CDH23: variants seen among roughly 807,000 people sequenced by gnomAD.
CDH23 encodes cadherin related 23, also known as cadherin-23.
A neutral mutation model predicts 317.1 loss-of-function variants in CDH23; 189 were observed. That is an observed-to-expected ratio of 0.60 (90% confidence interval 0.53 to 0.67). CDH23 has a LOEUF of 0.67. Among genes scored for constraint, CDH23 ranks in the 30% least tolerant of loss-of-function variants. The probability of loss-of-function intolerance (pLI) is 0.00; values close to 1 mark genes in which losing one functional copy is unlikely to be tolerated. For synonymous variants in CDH23, 1,839 were observed against 1,876.8 expected (o/e 0.98, Z 0.52); for missense variants, 4,401 against 4,592.4 (o/e 0.96, Z 1.20).
At chr10:71,715,779 G>A (rs903234624) in intron 28 of CDH23, 2 of 609,256 alleles carry the variant, frequency 3.3e-6, no homozygotes. Flanking sequence ...TTTGGGAAAG[G>A]GCGCTGGCCT....
At chr10:71,569,293 T>C (rs1026961244) in intron 7 of CDH23, among the ~76,000 whole-genome samples, 1 of 151,842 alleles carries the variant, frequency 6.6e-6, no homozygotes, top group African/African-American at 2.4e-5. Flanking sequence ...CAGCCCTCCC[T>C]TCTCCTAGGC....
chr10:71,492,257 C>A (rs1187704808), intron 3 of CDH23, among the ~76,000 whole-genome samples: 1 of 152,184 alleles, frequency 6.6e-6, no homozygotes, highest in Non-Finnish European at 1.5e-5. Context: ...TGCCTCCTGC[C>A]CACCCACATT....
intron 3 of CDH23, among the ~76,000 whole-genome samples, chr10:71,457,476 G>A (rs997534187): frequency 2.6e-5 from 4 of 151,606 alleles, no homozygotes; most frequent in Non-Finnish European, 2.9e-5. Context: ...CACTCTTACC[G>A]CCCTGCAATG....
In CDH23 at chr10:71,712,819, T is replaced by A; in HGVS notation, c.3369+6T>A. 1 of 1,609,534 alleles carries A rather than the reference T, an allele frequency of 6.2e-7. No homozygotes were observed. Among genetic ancestry groups the A allele is most frequent in the Admixed American group, 1.7e-5 (1 of 59,422 alleles). On this transcript the variant is annotated splice_donor_region_variant and intron_variant, in intron 28 of 69. Coordinates refer to ENST00000224721, the MANE Select transcript of CDH23 (RefSeq NM_022124.6). ...AAGGCCACAGCATCTTGCAGGCAGG[T>A]GGCCCGTGGCCTCTGGGGCAGGTGG...
At chr10:71,809,142 T>C (rs1050109022) in intron 60 of CDH23, among the ~76,000 whole-genome samples, 1 of 151,090 alleles carries the variant, frequency 6.6e-6, no homozygotes, top group Non-Finnish European at 1.5e-5. Flanking sequence ...ATCTCTCTTC[T>C]ATGGGTTTTG....
chr10:71,617,441 C>T (rs747998129), intron 11 of CDH23, 48 bp downstream of exon 11: 1 of 1,594,114 alleles, frequency 6.3e-7, no homozygotes, highest in Non-Finnish European at 8.5e-7. Context: ...CCCATCCAGA[C>T]CCACCACCCT....
intron 3 of CDH23, among the ~76,000 whole-genome samples, chr10:71,482,722 C>A (rs10999847): frequency 1.3e-5 from 2 of 152,048 alleles, no homozygotes; most frequent in Non-Finnish European, 2.9e-5. Context: ...CAGGAAAAGC[C>A]GAGTGCGAAT....
At position 71,803,417 on chromosome 10, in the gene CDH23, AGAGGTACTCCTGCCCC is replaced by A; in HGVS notation, c.7872+2_7872+17del. On this transcript the variant is annotated splice_donor_variant and splice_donor_5th_base_variant and coding_sequence_variant and intron_variant, in exon 55 of 70. Transcript: ENST00000224721. LOFTEE classifies it high-confidence loss of function. ...CCAACGGCACCATCCTCCACATCAG[AGAGGTACTCCTGCCCC>A]GAGGGCCTCCTGCCCACCAGTATTT... The A allele has an allele frequency of 6.3e-7, 1 of 1,589,622 alleles. No individual in the cohort carries two copies. Among genetic ancestry groups the A allele is most frequent in the Non-Finnish European group, 8.6e-7 (1 of 1,168,826 alleles).
intron 55 of CDH23, among the ~76,000 whole-genome samples, chr10:71,804,833 T>C (rs987908323): frequency 6.6e-6 from 1 of 152,244 alleles, no homozygotes; most frequent in African/African-American, 2.4e-5. Context: ...TTATGTATTC[T>C]TGTCCCCTGC....
At chr10:71,681,765 G>C (rs1001806098) in intron 17 of CDH23, among the ~76,000 whole-genome samples, 31 of 152,238 alleles carry the variant, frequency 2.0e-4, no homozygotes, top group African/African-American at 7.0e-4. Context: ...GCCAGGCTCT[G>C]CTTCTACAAA....
At chr10:71,778,509 C>T (rs760097036) in intron 40 of CDH23, among the ~76,000 whole-genome samples, 3 of 152,210 alleles carry the variant, frequency 2.0e-5, no homozygotes, top group Non-Finnish European at 4.4e-5. Context: ...TGTGTGGCTA[C>T]ATCTGTCAGA....
At chr10:71,729,139 T>C (rs934090749) in intron 30 of CDH23, among the ~76,000 whole-genome samples, 2 of 152,166 alleles carry the variant, frequency 1.3e-5, no homozygotes, top group Non-Finnish European at 2.9e-5. Flanking sequence ...CTGGCCTCCA[T>C]AAACACCTTT....
At chr10:71,701,277 G>A (rs566014077) in intron 22 of CDH23, among the ~76,000 whole-genome samples, 13 of 152,310 alleles carry the variant, frequency 8.5e-5, no homozygotes, top group African/African-American at 2.2e-4. Context: ...CCCACAGAGC[G>A]GGGGATCGGT....
intron 3 of CDH23, among the ~76,000 whole-genome samples, chr10:71,452,797 G>T (rs934149034): frequency 6.6e-6 from 1 of 152,208 alleles, no homozygotes; most frequent in African/African-American, 2.4e-5. Context: ...TTTGTTGACA[G>T]CCAGCCTCTT....
Position 71,702,684 on chromosome 10 carries a change from C to T in CDH23, c.2723C>T (p.Ser908Phe), listed in dbSNP as rs780767389. ...EVLEGIPAGV[S>F]IYQVVAIDLD... ...CTTGAAGGCATCCCGGCGGGGGTCT[C>T]CATCTACCAAGTGAGTCTCTATCAT... Residue 908 changes from serine (S) to phenylalanine (F), a missense_variant, in exon 24 of 70, where the codon TCC becomes TTC. Ser to Phe is a radical substitution (Grantham distance 155). Around this residue, in one of 3 missense-constraint regions of CDH23, gnomAD observed 3,068 missense variants for 3,203.3 expected, o/e 0.96. Coordinates refer to ENST00000224721, the MANE Select transcript of CDH23 (RefSeq NM_022124.6). The T allele has an allele frequency of 1.2e-6, 2 of 1,613,724 alleles. No homozygotes were observed. The highest frequency in any genetic ancestry group is 1.7e-6 in the Non-Finnish European group (2 of 1,179,870).
intron 2 of CDH23, among the ~76,000 whole-genome samples, chr10:71,443,899 C>T (rs141795528): frequency 1.3e-5 from 2 of 152,364 alleles, no homozygotes; most frequent in Admixed American, 6.5e-5. Flanking sequence ...ATGTGGCAGG[C>T]GACCCACGTC....
chr10:71,715,789 TG>T, intron 28 of CDH23: 3 of 704,524 alleles, frequency 4.3e-6, no homozygotes, highest in Non-Finnish European at 6.5e-6. Context: ...GGCGCTGGCC[TG>T]GGCATGCAAG....
intron 38 of CDH23, among the ~76,000 whole-genome samples, chr10:71,764,033 A>G (rs1247248966): frequency 6.6e-6 from 1 of 152,210 alleles, no homozygotes; most frequent in Non-Finnish European, 1.5e-5. Context: ...TGTCAGGGTG[A>G]GCAGAGATTT....
At chr10:71,511,512 C>G (rs1470824516) in intron 6 of CDH23, among the ~76,000 whole-genome samples, 5 of 151,600 alleles carry the variant, frequency 3.3e-5, no homozygotes, top group Non-Finnish European at 7.4e-5. Context: ...GGTGTTGCAC[C>G]CTCTTTCCTT....
Sources: gnomAD v4.1 joint callset for allele counts (sites outside exome capture counted in the v4.1 genomes callset) on GRCh38, gnomAD v4.1.1 for gene constraint, gnomAD v4.1.1 regional missense constraint, MANE v1.5 for transcripts, NCBI Gene and HGNC (gene_info 2026-07-23, HGNC 2026-07-21) for gene names.